The following NAALADL2 variants were observed in gnomAD, a reference collection of about 807,000 sequenced individuals.
NAALADL2 encodes inactive N-acetylated-alpha-linked acidic dipeptidase-like protein 2.
NAALADL2 carries 76 observed loss-of-function variants against 87.2 expected under a neutral mutation model. The observed-to-expected ratio is 0.87, with a 90% CI of 0.72 to 1.05. The LOEUF (loss-of-function observed/expected upper bound fraction) is 1.05, where lower values mean the gene tolerates loss of function less well. Ranked by LOEUF, NAALADL2 falls within the 50% of genes least tolerant of loss-of-function variation. NAALADL2 has a pLI of 0.00. For missense variants in NAALADL2, 1,089 were observed against 945.8 expected, an observed-to-expected ratio of 1.15 and a Z score of -1.99; for synonymous variants, 354 against 331.0, an observed-to-expected ratio of 1.07 and a Z score of -0.75.
At chr3:175,002,527 A>G (rs2108767418) in intron 1 of NAALADL2, among the ~76,000 whole-genome samples, 1 of 152,312 alleles carries the variant, frequency 6.6e-6, no homozygotes, top group Admixed American at 6.5e-5. Context: ...ACTTAATGAT[A>G]TGCTGGTCAT....
intron 1 of NAALADL2, among the ~76,000 whole-genome samples, chr3:174,441,307 G>C (rs1230249681): frequency 6.6e-6 from 1 of 152,154 alleles, no homozygotes; most frequent in African/African-American, 2.4e-5. Flanking sequence ...AGGCGCGCTG[G>C]CCAAAGGAGC....
intron 2 of NAALADL2, among the ~76,000 whole-genome samples, chr3:175,179,456 C>G (rs6796454): frequency 0.73 from 110,483 of 151,790 alleles, 40,752 homozygotes; most frequent in Non-Finnish European, 0.8. Flanking sequence ...CTTAAGAAAT[C>G]TCATTTCACA....
At chr3:175,182,898 T>G (rs1465352229) in intron 2 of NAALADL2, among the ~76,000 whole-genome samples, 1 of 152,056 alleles carries the variant, frequency 6.6e-6, no homozygotes, top group African/African-American at 2.4e-5. Flanking sequence ...TTATCCATTT[T>G]TAGTTGATTT....
chr3:174,968,952 G>A (rs928071292), intron 1 of NAALADL2, among the ~76,000 whole-genome samples: 5 of 152,040 alleles, frequency 3.3e-5, no homozygotes, highest in Admixed American at 2.0e-4. Flanking sequence ...CAATTCATCC[G>A]TATCATCTAA....
intron 3 of NAALADL2, among the ~76,000 whole-genome samples, chr3:174,772,071 A>T (rs1714639612): frequency 6.6e-6 from 1 of 152,242 alleles, no homozygotes; most frequent in Non-Finnish European, 1.5e-5. Context: ...TTTGATGATC[A>T]TTGGTAATTG....
At chr3:175,539,866 CTA>C (rs999321775) in intron 9 of NAALADL2, among the ~76,000 whole-genome samples, 25 of 152,208 alleles carry the variant, frequency 1.6e-4, no homozygotes, top group African/African-American at 6.0e-4. Context: ...AACTTGATAA[CTA>C]TTTGTTTATG....
Position 175,067,174 on chromosome 3 carries a change from G to A in NAALADL2, c.44-29616G>A, listed in dbSNP as rs144182732. Among the ~76,000 whole-genome samples, 25 of 152,166 alleles carry A rather than the reference G, an allele frequency of 1.6e-4. No homozygotes were observed. The East Asian group carries it at 3.3e-3, about 20-fold the overall frequency. On this transcript the variant is annotated intron_variant, in intron 1 of 13. Transcript: ENST00000454872. ...AAACATAGGAGACACCATTCTGGAC[G>A]TGGGCCTTGGGAAAGAATTTATGAC...
chr3:174,919,782 C>T (rs1001672384), intron 1 of NAALADL2, among the ~76,000 whole-genome samples: 7 of 152,210 alleles, frequency 4.6e-5, no homozygotes, highest in African/African-American at 1.7e-4. Context: ...GAATCCCTCT[C>T]TGGCAGCTAC....
At chr3:174,967,431 T>C (rs868060880) in intron 1 of NAALADL2, among the ~76,000 whole-genome samples, 4 of 152,024 alleles carry the variant, frequency 2.6e-5, no homozygotes, top group Admixed American at 6.6e-5. Flanking sequence ...ACTCTGTATG[T>C]ACTCTCATTT....
At chr3:175,588,544 T>C (rs1336581136) in intron 10 of NAALADL2, among the ~76,000 whole-genome samples, 1 of 133,618 alleles carries the variant, frequency 7.5e-6, no homozygotes, top group East Asian at 2.1e-4. Flanking sequence ...CTTTTTTTTT[T>C]TTTTTTTTTT....
chr3:174,968,382 A>C (rs1253576587), intron 1 of NAALADL2, among the ~76,000 whole-genome samples: 1 of 152,222 alleles, frequency 6.6e-6, no homozygotes, highest in African/African-American at 2.4e-5. Flanking sequence ...ACAGATGAGG[A>C]AGCCAAGGCT....
At chr3:175,179,949 C>T (rs1736219894) in intron 2 of NAALADL2, among the ~76,000 whole-genome samples, 1 of 151,966 alleles carries the variant, frequency 6.6e-6, no homozygotes, top group Admixed American at 6.6e-5. Context: ...AGCACATTCA[C>T]TGACAGCACT....
intron 3 of NAALADL2, among the ~76,000 whole-genome samples, chr3:174,768,389 G>C (rs1410008340): frequency 1.3e-5 from 2 of 152,120 alleles, no homozygotes; most frequent in Admixed American, 6.6e-5. Context: ...AACTCTGCTA[G>C]TTATTTTTGA....
intron 3 of NAALADL2, among the ~76,000 whole-genome samples, chr3:174,738,203 A>C (rs1733397166): frequency 6.6e-6 from 1 of 152,180 alleles, no homozygotes; most frequent in African/African-American, 2.4e-5. Context: ...CTTTTGGAAC[A>C]CTTCTCAGTA....
chr3:175,143,471 A>T (rs1309701668), intron 2 of NAALADL2, among the ~76,000 whole-genome samples: 1 of 151,304 alleles, frequency 6.6e-6, no homozygotes, highest in Non-Finnish European at 1.5e-5. Flanking sequence ...TCAGCAGTTG[A>T]CAAAAACAGA....
chr3:174,604,978 C>A (rs564949727), intron 2 of NAALADL2, among the ~76,000 whole-genome samples: 1 of 151,998 alleles, frequency 6.6e-6, no homozygotes, highest in East Asian at 1.9e-4. Flanking sequence ...ATCTTGAACT[C>A]CTGACCTCAG....
At chr3:175,454,358 C>A (rs1463257643) in intron 6 of NAALADL2, among the ~76,000 whole-genome samples, 1 of 152,040 alleles carries the variant, frequency 6.6e-6, no homozygotes, top group East Asian at 1.9e-4. Flanking sequence ...TAAGAAATTA[C>A]AACTTCTTAG....
At chr3:175,097,425 T>C (rs1032381662) in intron 2 of NAALADL2, 134 bp downstream of exon 2, 1 of 811,576 alleles carries the variant, frequency 1.2e-6, no homozygotes, top group African/African-American at 1.7e-5. Flanking sequence ...ACAACAAGAA[T>C]AGAAACTTCA....
At chr3:174,657,596 G>A (rs925430888) in intron 2 of NAALADL2, among the ~76,000 whole-genome samples, 2 of 152,084 alleles carry the variant, frequency 1.3e-5, no homozygotes, top group Non-Finnish European at 2.9e-5. Context: ...AGTTAGAATG[G>A]CGTATTCGTG....
Sources: gnomAD v4.1 joint callset for allele counts (sites outside exome capture counted in the v4.1 genomes callset) on GRCh38, gnomAD v4.1.1 for gene constraint, MANE v1.5 for transcripts, NCBI Gene and HGNC (gene_info 2026-07-23, HGNC 2026-07-21) for gene names.